The following NIPBL variants were observed in gnomAD, a reference collection of about 807,000 sequenced individuals.
The protein encoded by NIPBL is nipped-B-like protein.
In NIPBL, 19 loss-of-function variants were observed where a neutral mutation model predicts 321.8. The observed-to-expected ratio is 0.06, with a 90% CI of 0.04 to 0.09. The LOEUF is 0.09. Among genes scored for constraint, NIPBL ranks in the 10% least tolerant of loss-of-function variants. NIPBL has a pLI of 1.00. For synonymous variants in NIPBL, 1,106 were observed against 1,114.1 expected, an observed-to-expected ratio of 0.99 and a Z score of 0.14; for missense variants, 2,210 against 3,327.0, an observed-to-expected ratio of 0.66 and a Z score of 8.26.
At chr5:36,974,686 CAATA>C (rs572638032) in intron 8 of NIPBL, among the ~76,000 whole-genome samples, 71 of 152,076 alleles carry the variant, frequency 4.7e-4, no homozygotes, top group African/African-American at 1.6e-3. Context: ...ACACTAGAGT[CAATA>C]AATAAAGTTG....
In NIPBL at chr5:37,059,066, A is replaced by G. The variant is rs375928290; in HGVS notation, c.7586A>G (p.Asn2529Ser). 1.5e-5 allele frequency: 25 copies of G among 1,614,082 alleles called. No homozygotes were observed. The highest frequency in any genetic ancestry group is 6.7e-5 in the Admixed American group (4 of 60,008). The change falls in exon 44 of 47, where the codon AAT becomes AGT. Residue 2529 changes from asparagine (N) to serine (S), a missense_variant. By Grantham distance (46) the Asn-to-Ser change is conservative (BLOSUM62 1). Around this residue, in one of 14 missense-constraint regions of NIPBL, gnomAD observed 79 missense variants for 90.8 expected, o/e 0.87. Transcript: ENST00000282516. ...INSVMKCLPENSAPLIEFANV... is the reference protein window; with the variant it reads ...INSVMKCLPESSAPLIEFANV... Reference sequence around the variant, plus strand: ...TCAGTGATGAAATGTTTGCCAGAAAATTCAGCTCCTTTAATCGAATTTGCA... The same window carrying G: ...TCAGTGATGAAATGTTTGCCAGAAAGTTCAGCTCCTTTAATCGAATTTGCA...
intron 7 of NIPBL, chr5:36,971,681 G>C: frequency 1.0e-5 from 3 of 298,180 alleles, no homozygotes; most frequent in Non-Finnish European, 1.5e-5. Context: ...AGCTCCTTTT[G>C]TAGAAAAAAG....
chr5:37,032,988 C>T (rs1041315245), intron 32 of NIPBL, among the ~76,000 whole-genome samples: 6 of 152,058 alleles, frequency 3.9e-5, no homozygotes, highest in African/African-American at 9.7e-5. Flanking sequence ...ATTTTATGCA[C>T]CTTGATTACT....
intron 40 of NIPBL, chr5:37,051,497 T>C (rs765389818): frequency 4.3e-6 from 2 of 461,272 alleles, no homozygotes; most frequent in Non-Finnish European, 7.7e-6. Context: ...TAAATAGATA[T>C]TCTTAGTGTG....
At chr5:36,980,966 A>G (rs907743258) in intron 9 of NIPBL, among the ~76,000 whole-genome samples, 2 of 151,646 alleles carry the variant, frequency 1.3e-5, no homozygotes, top group African/African-American at 4.8e-5. Flanking sequence ...TCATAAATAA[A>G]AGCAAAATTC....
At chr5:36,951,961 G>T (rs986563871) in intron 1 of NIPBL, among the ~76,000 whole-genome samples, 1 of 150,904 alleles carries the variant, frequency 6.6e-6, no homozygotes, top group Non-Finnish European at 1.5e-5. Context: ...GAAGGAACCA[G>T]AATGCTAGCC....
intron 1 of NIPBL, among the ~76,000 whole-genome samples, chr5:36,917,469 C>T (rs1295218152): frequency 6.6e-6 from 1 of 152,120 alleles, no homozygotes; most frequent in Non-Finnish European, 1.5e-5. Context: ...GTTTCTTTTG[C>T]TGTGCAGAAG....
intron 16 of NIPBL, 131 bp downstream of exon 16, chr5:37,003,478 GA>G (rs1201502197): frequency 1.5e-5 from 9 of 593,768 alleles, no homozygotes; most frequent in Non-Finnish European, 6.2e-6. Context: ...GAAAGTAGGT[GA>G]ATAATTTTTA....
intron 6 of NIPBL, among the ~76,000 whole-genome samples, chr5:36,966,025 A>G (rs1256632904): frequency 6.6e-6 from 1 of 152,114 alleles, no homozygotes; most frequent in Non-Finnish European, 1.5e-5. Flanking sequence ...TTTGTCCTTA[A>G]GTACATCTGC....
At chr5:36,989,208 A>G (rs555530984) in intron 10 of NIPBL, among the ~76,000 whole-genome samples, 2 of 152,254 alleles carry the variant, frequency 1.3e-5, no homozygotes, top group South Asian at 2.1e-4. Flanking sequence ...CACCCTGTCA[A>G]CTACCTAGTT....
At chr5:36,958,458 A>G (rs1007492532) in intron 4 of NIPBL, among the ~76,000 whole-genome samples, 1 of 152,244 alleles carries the variant, frequency 6.6e-6, no homozygotes, top group Non-Finnish European at 1.5e-5. Context: ...ATATGTTGGA[A>G]TATATCAGTT....
chr5:37,050,781 T>G (rs570118256), intron 40 of NIPBL, among the ~76,000 whole-genome samples: 1 of 152,312 alleles, frequency 6.6e-6, no homozygotes, highest in South Asian at 2.1e-4. Flanking sequence ...AATATACAGT[T>G]CATTTGCAGA....
rs917149050 is a variant in NIPBL, at chr5:37,038,217, T to C, written c.5972-385T>C. On this transcript the variant is annotated intron_variant, in intron 33 of 46. Transcript: ENST00000282516. ...GTTGTCCAGGCTGATCTCAGATTCC[T>C]AGACTCAAACCTTCTTCCTGTGATG... is the stretch of plus-strand genomic sequence containing the variant. Among the ~76,000 whole-genome samples, 3 of 152,128 alleles carry C rather than the reference T, an allele frequency of 2.0e-5. No homozygotes were observed. The South Asian group carries it at 6.2e-4, about 32-fold the overall frequency.
chr5:37,002,191 G>C (rs960123435), intron 14 of NIPBL, among the ~76,000 whole-genome samples: 3 of 152,188 alleles, frequency 2.0e-5, no homozygotes, highest in African/African-American at 4.8e-5. Flanking sequence ...TGTAGAGTAG[G>C]CTGCCTTGAA....
chr5:36,984,173 C>T (rs1561113374), intron 9 of NIPBL, among the ~76,000 whole-genome samples: 1 of 151,490 alleles, frequency 6.6e-6, no homozygotes, highest in Non-Finnish European at 1.5e-5. Context: ...TATTTTCTTT[C>T]TTTTTTTTCC....
intron 10 of NIPBL, among the ~76,000 whole-genome samples, chr5:36,994,928 T>C (rs1370650148): frequency 1.3e-5 from 2 of 152,166 alleles, no homozygotes; most frequent in Non-Finnish European, 2.9e-5. Flanking sequence ...AATGTACTTT[T>C]CAGTTACAGA....
Position 37,022,166 on chromosome 5 carries a change from A to G in NIPBL, c.5427+17A>G, listed in dbSNP as rs1554025725. On this transcript the variant is annotated intron_variant, in intron 28 of 46. Coordinates refer to ENST00000282516, the MANE Select transcript of NIPBL (RefSeq NM_133433.4). ...CTAGCAAGGGTAAAGAGCAAAAATG[A>G]TTCTTTCTTTTCTACTCGAATTGGA... is the stretch of plus-strand genomic sequence containing the variant. 6.2e-7 allele frequency: 1 copy of G among 1,613,406 alleles called. No homozygotes were observed. Among genetic ancestry groups the G allele is most frequent in the Non-Finnish European group, 8.5e-7 (1 of 1,179,386 alleles).
At chr5:36,919,905 C>T (rs946760756) in intron 1 of NIPBL, among the ~76,000 whole-genome samples, 2 of 151,880 alleles carry the variant, frequency 1.3e-5, no homozygotes, top group African/African-American at 4.8e-5. Flanking sequence ...TCTTGGATGC[C>T]TTTTAAAATA....
intron 1 of NIPBL, among the ~76,000 whole-genome samples, chr5:36,942,590 A>C (rs1234236142): frequency 6.6e-6 from 1 of 151,888 alleles, no homozygotes; most frequent in Non-Finnish European, 1.5e-5. Flanking sequence ...AAATAAAAAA[A>C]TTAGCTGGGG....
Sources: gnomAD v4.1 joint callset for allele counts (sites outside exome capture counted in the v4.1 genomes callset) on GRCh38, gnomAD v4.1.1 for gene constraint, gnomAD v4.1.1 regional missense constraint, MANE v1.5 for transcripts, NCBI Gene and HGNC (gene_info 2026-07-23, HGNC 2026-07-21) for gene names.